Variants in DGKI observed in about 807,000 individuals in gnomAD.
DGKI encodes diacylglycerol kinase iota.
A neutral mutation model predicts 147.5 loss-of-function variants in DGKI; 55 were observed. That is an observed-to-expected ratio of 0.37 (90% CI 0.30 to 0.47). The LOEUF (loss-of-function observed/expected upper bound fraction) is 0.47, where lower values mean the gene tolerates loss of function less well. Among genes scored for constraint, DGKI ranks in the 20% least tolerant of loss-of-function variants. The probability of loss-of-function intolerance (pLI) is 1.00; values close to 1 mark genes in which losing one functional copy is unlikely to be tolerated. For missense variants in DGKI, 1,007 were observed against 1,323.8 expected, an observed-to-expected ratio of 0.76 and a Z score of 3.71; for synonymous variants, 469 against 477.1, an observed-to-expected ratio of 0.98 and a Z score of 0.22.
rs1416794614 is a variant in DGKI, at chr7:137,678,687, T to A, written c.511-35A>T. The A allele has an allele frequency of 4.4e-6, 7 of 1,588,070 alleles. No individual in the cohort carries two copies. In the South Asian group the frequency reaches 4.5e-5, roughly 10 times the overall value. On this transcript the variant is annotated intron_variant, in intron 2 of 32. Transcript: ENST00000614521. ...AAAGACCCACCTGACATCAATTTTT[T>A]TTTTCCAGGGATAAGGAAAACTATT...
At chr7:137,554,340 G>T (rs1525046) in intron 19 of DGKI, among the ~76,000 whole-genome samples, 16,613 of 152,070 alleles carry the variant, frequency 0.11, 2,045 homozygotes, top group African/African-American at 0.3. Context: ...CTAATAGAAA[G>T]CCCCAAGACT....
intron 10 of DGKI, among the ~76,000 whole-genome samples, chr7:137,603,487 C>T (rs2128990753): frequency 6.6e-6 from 1 of 152,268 alleles, no homozygotes; most frequent in East Asian, 1.9e-4. Flanking sequence ...AATAGAATGC[C>T]TCATTTATTT....
chr7:137,782,427 A>G (rs1425206965), intron 1 of DGKI, among the ~76,000 whole-genome samples: 1 of 152,136 alleles, frequency 6.6e-6, no homozygotes, highest in African/African-American at 2.4e-5. Flanking sequence ...CCCATCCCCC[A>G]CAGCAGCCAC....
At chr7:137,492,006 G>T (rs544504480) in intron 21 of DGKI, among the ~76,000 whole-genome samples, 1 of 152,194 alleles carries the variant, frequency 6.6e-6, no homozygotes, top group Non-Finnish European at 1.5e-5. Flanking sequence ...ATCCCATGAA[G>T]CAGGGCAAAG....
intron 24 of DGKI, among the ~76,000 whole-genome samples, chr7:137,468,908 C>T (rs112131532): frequency 2.2e-4 from 34 of 151,998 alleles, no homozygotes; most frequent in Admixed American, 7.2e-4. Flanking sequence ...TAGATACATT[C>T]GGTAGTATGT....
chr7:137,385,061 A>C lies in DGKI; in HGVS notation c.*6159T>G, dbSNP rs1351912937. The C allele has an allele frequency of 6.6e-6, 1 of 152,044 alleles. No homozygotes were observed. Among genetic ancestry groups the C allele is most frequent in the African/African-American group, 2.4e-5 (1 of 41,410 alleles). The allele number at this position is 152,044 out of a possible 1,614,324, so 9.4% of individuals were successfully genotyped here. On this transcript the variant is annotated 3_prime_UTR_variant, in exon 33 of 33. Transcript: ENST00000614521. ...CTGTGGTTATACTAGATTACACTTA[A>C]CTCTTAGAATATCAAACCACAGCAC...
At chr7:137,677,119 C>T (rs932315994) in intron 3 of DGKI, among the ~76,000 whole-genome samples, 4 of 152,174 alleles carry the variant, frequency 2.6e-5, no homozygotes, top group African/African-American at 9.6e-5. Flanking sequence ...TCATGGATTT[C>T]GTTAATTCAA....
intron 1 of DGKI, among the ~76,000 whole-genome samples, chr7:137,771,333 C>T (rs1796190241): frequency 6.6e-6 from 1 of 152,150 alleles, no homozygotes; most frequent in Admixed American, 6.5e-5. Flanking sequence ...TCAGGTGATC[C>T]ACCCGCTTCA....
chr7:137,508,913 C>T (rs1309198831), intron 21 of DGKI, among the ~76,000 whole-genome samples: 2 of 152,000 alleles, frequency 1.3e-5, no homozygotes. Context: ...TGACATAGAA[C>T]AATTATCAGT....
chr7:137,717,330 G>A (rs1255896787), intron 1 of DGKI, among the ~76,000 whole-genome samples: 1 of 152,084 alleles, frequency 6.6e-6, no homozygotes, highest in African/African-American at 2.4e-5. Flanking sequence ...AGGAAAAATT[G>A]CATATTTTTT....
chr7:137,722,009 A>G, intron 1 of DGKI: 1 of 1,575,280 alleles, frequency 6.3e-7, no homozygotes, highest in Non-Finnish European at 8.6e-7. Flanking sequence ...AAAGTTGAGA[A>G]GCCAGATACT....
At chr7:137,441,365 G>A (rs1813498029) in intron 28 of DGKI, among the ~76,000 whole-genome samples, 1 of 145,570 alleles carries the variant, frequency 6.9e-6, no homozygotes, top group Admixed American at 7.3e-5. Context: ...AGCTTGCAGT[G>A]AGCCGAGATC....
intron 28 of DGKI, among the ~76,000 whole-genome samples, chr7:137,426,834 CA>C (rs777163550): frequency 3.9e-5 from 6 of 152,000 alleles, no homozygotes; most frequent in Admixed American, 1.3e-4. Context: ...GGGATCAATT[CA>C]ACAAGAAGAG....
intron 21 of DGKI, among the ~76,000 whole-genome samples, chr7:137,511,115 G>A (rs990648898): frequency 6.6e-6 from 1 of 152,206 alleles, no homozygotes. Context: ...CTGCAAAGAT[G>A]TTATTTTCAG....
At chr7:137,673,274 T>C (rs1822917237) in intron 3 of DGKI, among the ~76,000 whole-genome samples, 1 of 152,168 alleles carries the variant, frequency 6.6e-6, no homozygotes. Context: ...TCACAGCCAC[T>C]ACACACCAGG....
intron 6 of DGKI, among the ~76,000 whole-genome samples, chr7:137,633,084 T>C (rs889047521): frequency 6.6e-6 from 1 of 151,652 alleles, no homozygotes; most frequent in African/African-American, 2.4e-5. Context: ...TGGTGACGCA[T>C]GCCCATAATC....
chr7:137,549,421 A>G lies in DGKI; in HGVS notation c.2147+2948T>C, dbSNP rs147318288. 2.5e-3 allele frequency among the ~76,000 whole-genome samples: 384 copies of G among 152,300 alleles called. 4 individuals are homozygous for G. Among genetic ancestry groups the G allele is most frequent in the African/African-American group, 8.8e-3 (367 of 41,552 alleles). On this transcript the variant is annotated intron_variant, in intron 20 of 32. Coordinates refer to ENST00000614521, the MANE Select transcript of DGKI (RefSeq NM_001321708.2). ...GCACTTACGTCTCGAATATCCAATTAACATGCTGTGTGAAAGAAGCCTAAT... is the reference window on the plus strand; with the variant it reads ...GCACTTACGTCTCGAATATCCAATTGACATGCTGTGTGAAAGAAGCCTAAT...
chr7:137,406,361 G>A (rs1811947740), intron 30 of DGKI, among the ~76,000 whole-genome samples: 1 of 152,234 alleles, frequency 6.6e-6, no homozygotes, highest in South Asian at 2.1e-4. Flanking sequence ...AATGATACAA[G>A]CCCCAGACTT....
At chr7:137,454,063 A>G (rs1000067940) in intron 27 of DGKI, among the ~76,000 whole-genome samples, 113 of 152,178 alleles carry the variant, frequency 7.4e-4, no homozygotes, top group African/African-American at 2.7e-3. Flanking sequence ...TCCATTGTAC[A>G]ACATGGTGAC....
Sources: allele counts gnomAD v4.1 joint callset (sites outside exome capture counted in the v4.1 genomes callset), GRCh38; gene constraint gnomAD v4.1.1; transcripts MANE v1.5; gene names NCBI Gene and HGNC (gene_info 2026-07-23, HGNC 2026-07-21).